ADGRV1: variants seen among roughly 807,000 people sequenced by gnomAD.
ADGRV1 encodes G-protein coupled receptor 98.
Under a neutral mutation model 596.2 loss-of-function variants are expected in ADGRV1, and 359 were observed. That is an observed-to-expected ratio of 0.60 (90% CI 0.55 to 0.66). The LOEUF (loss-of-function observed/expected upper bound fraction) is 0.66, where lower values mean the gene tolerates loss of function less well. Ranked by LOEUF, ADGRV1 falls within the 30% of genes least tolerant of loss-of-function variation. The pLI, the probability that ADGRV1 is intolerant of heterozygous loss-of-function variation, is 0.00. For missense variants in ADGRV1, 7,274 were observed against 7,575.6 expected, an observed-to-expected ratio of 0.96 and a Z score of 1.48; for synonymous variants, 2,681 against 2,679.2, an observed-to-expected ratio of 1.00 and a Z score of -0.02.
chr5:90,740,246 G>A (rs530757414), intron 50 of ADGRV1, among the ~76,000 whole-genome samples: 33 of 152,090 alleles, frequency 2.2e-4, no homozygotes, highest in African/African-American at 7.7e-4. Context: ...AAGTGGCTGT[G>A]AAGGAGATCA....
intron 31 of ADGRV1, 77 bp downstream of exon 31, chr5:90,691,118 A>G (rs1261096855): frequency 9.7e-6 from 15 of 1,541,710 alleles, no homozygotes; most frequent in Non-Finnish European, 1.3e-5. Context: ...TGGCCATTGT[A>G]ACATTTTGGA....
At chr5:90,815,901 G>A (rs979205375) in intron 75 of ADGRV1, among the ~76,000 whole-genome samples, 165 bp downstream of exon 75, 3 of 152,080 alleles carry the variant, frequency 2.0e-5, no homozygotes, top group East Asian at 1.9e-4. Context: ...ATGGTACTTC[G>A]TTTATGATCA....
At chr5:90,951,880 T>A (rs1232112070) in intron 83 of ADGRV1, among the ~76,000 whole-genome samples, 1 of 152,194 alleles carries the variant, frequency 6.6e-6, no homozygotes, top group Non-Finnish European at 1.5e-5. Flanking sequence ...ACGCTATTTT[T>A]AAGATATAAA....
chr5:90,647,391 A>G, intron 16 of ADGRV1, 107 bp from the exon 17 acceptor site: 2 of 1,119,248 alleles, frequency 1.8e-6, no homozygotes, highest in Non-Finnish European at 2.5e-6. Flanking sequence ...TGGCAAAGAC[A>G]CAGTACAAGG....
At chr5:90,910,649 A>G (rs12658466) in intron 83 of ADGRV1, among the ~76,000 whole-genome samples, 24,154 of 151,480 alleles carry the variant, frequency 0.16, 2,741 homozygotes, top group East Asian at 0.48. Context: ...ATAAACATAT[A>G]TATTATAGAT....
At chr5:90,982,067 G>GAC (rs1220804975) in intron 84 of ADGRV1, among the ~76,000 whole-genome samples, 1 of 152,150 alleles carries the variant, frequency 6.6e-6, no homozygotes, top group Non-Finnish European at 1.5e-5. Flanking sequence ...CAGCCTGGGT[G>GAC]ACAGAGCAAG....
At chr5:91,111,867 T>C (rs1582092631) in intron 87 of ADGRV1, among the ~76,000 whole-genome samples, 1 of 152,310 alleles carries the variant, frequency 6.6e-6, no homozygotes, top group South Asian at 2.1e-4. Flanking sequence ...GAGAGACTAA[T>C]GAATGCCTCA....
chr5:91,033,680 C>G (rs1210054120), intron 85 of ADGRV1, among the ~76,000 whole-genome samples: 1 of 152,176 alleles, frequency 6.6e-6, no homozygotes, highest in Non-Finnish European at 1.5e-5. Context: ...AGCCGCAGGA[C>G]TTCAGTCCTA....
intron 38 of ADGRV1, among the ~76,000 whole-genome samples, chr5:90,707,578 A>G (rs912710728): frequency 7.2e-5 from 11 of 152,212 alleles, no homozygotes; most frequent in Admixed American, 6.5e-4. Flanking sequence ...TAAAGGTAAT[A>G]TTATGTCAGT....
At chr5:90,944,750 T>C (rs1445666762) in intron 83 of ADGRV1, among the ~76,000 whole-genome samples, 1 of 152,200 alleles carries the variant, frequency 6.6e-6, no homozygotes. Context: ...AATTATTTAA[T>C]TGACAAACTG....
chr5:90,725,515 C>T (rs757027297), intron 47 of ADGRV1, 34 bp from the exon 48 acceptor site: 10 of 1,132,884 alleles, frequency 8.8e-6, no homozygotes, highest in Non-Finnish European at 1.3e-5. Context: ...GTTCAACTCT[C>T]CTTTAAGTTT....
At chr5:91,030,501 CTAAT>C (rs1457302595) in intron 85 of ADGRV1, among the ~76,000 whole-genome samples, 2 of 151,868 alleles carry the variant, frequency 1.3e-5, no homozygotes, top group Non-Finnish European at 2.9e-5. Context: ...AATTTTGACT[CTAAT>C]TTCTTCAATA....
rs186421019 is a variant in ADGRV1 at position 90,628,506 on chromosome 5, C to T, written c.1239-56C>T. The T allele has an allele frequency of 2.0e-6, 3 of 1,469,666 alleles. No homozygotes were observed. The Admixed American group carries it at 5.3e-5, about 26-fold the overall frequency. 91.0% of individuals were successfully genotyped at this position (1,469,666 alleles called of 1,614,324 possible). On this transcript the variant is annotated intron_variant, in intron 7 of 89. Coordinates refer to ENST00000405460, the MANE Select transcript of ADGRV1 (RefSeq NM_032119.4). The stretch of plus-strand genomic sequence containing the variant: ...ACAACTTGACATTGGGAAAGCTTAT[C>T]TAAGGGAAATAAAGTGTACTATGTG...
chr5:90,865,930 A>G (rs542305737), intron 83 of ADGRV1, among the ~76,000 whole-genome samples: 2 of 152,238 alleles, frequency 1.3e-5, no homozygotes, highest in South Asian at 4.1e-4. Context: ...TTCATTTGGG[A>G]TCCTCTGTCA....
chr5:90,807,103 G>A (rs993803030), intron 72 of ADGRV1, among the ~76,000 whole-genome samples: 3 of 152,032 alleles, frequency 2.0e-5, no homozygotes, highest in Admixed American at 6.6e-5. Context: ...CGCCCTCGTC[G>A]GCCTCCCAAA....
rs781217718 is a variant in ADGRV1 at position 90,627,865 on chromosome 5, G to A, written c.1238+89G>A. 5.2e-5 allele frequency: 37 copies of A among 712,512 alleles called. 1 individual carries two copies. Among genetic ancestry groups the A allele is most frequent in the Middle Eastern group, 4.2e-4 (1 of 2,382 alleles). 44.1% of individuals were successfully genotyped at this position (712,512 alleles called of 1,614,324 possible). On this transcript the variant is annotated intron_variant, in intron 7 of 89. Coordinates refer to ENST00000405460, the MANE Select transcript of ADGRV1 (RefSeq NM_032119.4). Reference sequence around the variant, plus strand: ...GTGGTGTTGGACACAACAATGAACTGTTAGAATATGTGTCATTTTTTCCCA... The same window carrying A: ...GTGGTGTTGGACACAACAATGAACTATTAGAATATGTGTCATTTTTTCCCA...
At chr5:90,664,810 G>A (rs1034822325) in intron 21 of ADGRV1, among the ~76,000 whole-genome samples, 1 of 136,482 alleles carries the variant, frequency 7.3e-6, no homozygotes, top group South Asian at 2.5e-4. Context: ...TTTATTGAGA[G>A]TTTTTAGCAT....
At chr5:90,634,529 G>C (rs1765902145) in intron 9 of ADGRV1, among the ~76,000 whole-genome samples, 1 of 152,204 alleles carries the variant, frequency 6.6e-6, no homozygotes, top group African/African-American at 2.4e-5. Context: ...TATAAATGGA[G>C]TTCTGAGTAG....
chr5:90,783,038 G>A, intron 65 of ADGRV1, 86 bp from the exon 66 acceptor site: 1 of 1,049,830 alleles, frequency 9.5e-7, no homozygotes. Flanking sequence ...GTGCCATTAT[G>A]TTTAATTGCC....
Sources: gnomAD v4.1 joint callset for allele counts (sites outside exome capture counted in the v4.1 genomes callset) on GRCh38, gnomAD v4.1.1 for gene constraint, MANE v1.5 for transcripts, NCBI Gene and HGNC (gene_info 2026-07-23, HGNC 2026-07-21) for gene names.